NRIP1: variants seen among roughly 807,000 people sequenced by gnomAD.
NRIP1 encodes the protein nuclear receptor interacting protein 1.
A neutral mutation model predicts 75.0 loss-of-function variants in NRIP1; 28 were observed. That is an observed-to-expected ratio of 0.37 (90% confidence interval 0.28 to 0.51). The LOEUF (loss-of-function observed/expected upper bound fraction) is 0.51, where lower values mean the gene tolerates loss of function less well. Ranked by LOEUF, NRIP1 falls within the 20% of genes least tolerant of loss-of-function variation. NRIP1 has a pLI of 0.92. For missense variants in NRIP1, 1,435 were observed against 1,343.7 expected, an observed-to-expected ratio of 1.07 and a Z score of -1.06; for synonymous variants, 526 against 487.6, an observed-to-expected ratio of 1.08 and a Z score of -1.04.
chr21:15,064,034 A>T (rs971097175), intron 1 of NRIP1, among the ~76,000 whole-genome samples: 1 of 152,240 alleles, frequency 6.6e-6, no homozygotes, highest in African/African-American at 2.4e-5. Context: ...GAATACATCC[A>T]CGGAAACCTT....
At chr21:15,021,088 T>A (rs986642558) in intron 2 of NRIP1, among the ~76,000 whole-genome samples, 2 of 152,124 alleles carry the variant, frequency 1.3e-5, no homozygotes, top group Admixed American at 1.3e-4. Context: ...GAAAAATATA[T>A]GTCCACAAAA....
chr21:15,031,360 CCTTT>C, intron 2 of NRIP1, among the ~76,000 whole-genome samples: 1 of 141,418 alleles, frequency 7.1e-6, no homozygotes, highest in Non-Finnish European at 1.5e-5. Flanking sequence ...CACCACATTC[CCTTT>C]CTGTGTGTAT....
chr21:14,973,597 T>A (rs1459796147), intron 3 of NRIP1, among the ~76,000 whole-genome samples: 1 of 152,094 alleles, frequency 6.6e-6, no homozygotes, highest in East Asian at 1.9e-4. Context: ...TAACAAAAAA[T>A]TTAGTATAAC....
chr21:14,966,489 G>C lies in NRIP1; in HGVS notation c.1704C>G (p.Leu568=), dbSNP rs149931411. 2 of 1,614,128 alleles carry C rather than the reference G, an allele frequency of 1.2e-6. No homozygotes were observed. The highest frequency in any genetic ancestry group is 1.7e-6 in the Non-Finnish European group (2 of 1,180,002). The change falls in exon 4 of 4, where the codon CTC becomes CTG. Residue 568 remains leucine, a synonymous_variant. Coordinates refer to ENST00000318948, the MANE Select transcript of NRIP1 (RefSeq NM_003489.4). ...TSSKAGSPIN[L]SQHSLVIKWN... ...ATTTGATGACCAGAGAGTGTTGAGA[G>C]AGATTGATGGGAGACCCTGCTTTGC...
At chr21:15,012,398 T>C (rs1050465455) in intron 3 of NRIP1, among the ~76,000 whole-genome samples, 1 of 151,934 alleles carries the variant, frequency 6.6e-6, no homozygotes, top group Non-Finnish European at 1.5e-5. Context: ...CAGTAATTTG[T>C]TTTTATAAAT....
chr21:15,065,401 C>T (rs562869602), upstream of NRIP1, among the ~76,000 whole-genome samples: 151 of 152,222 alleles, frequency 9.9e-4, no homozygotes, highest in African/African-American at 3.6e-3. Flanking sequence ...GACAGCTCCT[C>T]CTGGGGACCG....
chr21:15,042,951 T>C (rs760926600), intron 2 of NRIP1, among the ~76,000 whole-genome samples: 21 of 152,226 alleles, frequency 1.4e-4, no homozygotes, highest in Non-Finnish European at 2.4e-4. Flanking sequence ...TATTATGCTA[T>C]ACCAATCTAT....
intron 2 of NRIP1, among the ~76,000 whole-genome samples, chr21:15,034,112 C>T (rs1346979520): frequency 6.6e-6 from 1 of 152,176 alleles, no homozygotes; most frequent in Admixed American, 6.5e-5. Context: ...GATAAACACC[C>T]TGAATTTCCC....
intron 3 of NRIP1, among the ~76,000 whole-genome samples, chr21:14,975,951 G>A (rs971633505): frequency 6.6e-6 from 1 of 152,064 alleles, no homozygotes; most frequent in Non-Finnish European, 1.5e-5. Context: ...AAGGTACTAT[G>A]TTTGAGTCTA....
intron 2 of NRIP1, among the ~76,000 whole-genome samples, chr21:15,036,990 C>T (rs2088849432): frequency 6.6e-6 from 1 of 152,022 alleles, no homozygotes; most frequent in Non-Finnish European, 1.5e-5. Flanking sequence ...TCTTGATGAA[C>T]AGCAAAGAAT....
chr21:14,991,893 C>T (rs746057650), intron 3 of NRIP1, among the ~76,000 whole-genome samples: 15 of 152,128 alleles, frequency 9.9e-5, no homozygotes, highest in Non-Finnish European at 1.9e-4. Flanking sequence ...AAAATGTTGT[C>T]TATTTACATC....
intron 1 of NRIP1, chr21:15,051,000 C>G (rs1262421176): frequency 1.4e-5 from 6 of 426,174 alleles, no homozygotes; most frequent in Non-Finnish European, 2.4e-5. Context: ...GTAGCATTTA[C>G]CTACAGCTAA....
chr21:15,003,598 C>T (rs963827000), intron 3 of NRIP1, among the ~76,000 whole-genome samples: 5 of 152,166 alleles, frequency 3.3e-5, no homozygotes, highest in Non-Finnish European at 5.9e-5. Flanking sequence ...GGCCCCTCCC[C>T]GCTGTCTCAG....
At chr21:14,972,817 A>G (rs1004782312) in intron 3 of NRIP1, among the ~76,000 whole-genome samples, 4 of 152,166 alleles carry the variant, frequency 2.6e-5, no homozygotes, top group African/African-American at 9.7e-5. Context: ...GATCCCTCAC[A>G]TGTGCAGTTT....
chr21:15,019,617 T>C lies in NRIP1; in HGVS notation c.-457-5151A>G, dbSNP rs192107753. Among the ~76,000 whole-genome samples the C allele has an allele frequency of 7.3e-5, 11 of 150,842 alleles. No individual in the cohort carries two copies. In the Admixed American group the frequency reaches 7.3e-4, roughly 10 times the overall value. On this transcript the variant is annotated intron_variant, in intron 2 of 3. Coordinates refer to ENST00000318948, the MANE Select transcript of NRIP1 (RefSeq NM_003489.4). ...AACTCTCCTGCCTCAGCCTCCCAAG[T>C]AGCTGGGATTACAGGCATGCACCAC... is the stretch of plus-strand genomic sequence containing the variant.
intron 3 of NRIP1, among the ~76,000 whole-genome samples, chr21:14,985,156 C>A (rs1184338001): frequency 6.6e-6 from 1 of 152,166 alleles, no homozygotes; most frequent in African/African-American, 2.4e-5. Context: ...TCTTTTTCAT[C>A]TTTACATCTT....
chr21:14,976,465 A>G (rs934758113), intron 3 of NRIP1, among the ~76,000 whole-genome samples: 1 of 152,184 alleles, frequency 6.6e-6, no homozygotes, highest in Non-Finnish European at 1.5e-5. Flanking sequence ...AAGTATCTGA[A>G]AAGTACAGAA....
rs78170671 is a variant in NRIP1 at position 14,984,866 on chromosome 21, G to A, written c.-334-16340C>T. On this transcript the variant is annotated intron_variant, in intron 3 of 3. Transcript: ENST00000318948. ...GATTATAGTTCTCTGAAGGTTCAGA[G>A]GATCATTAGTATTTTTTTAGCTATA... Among the ~76,000 whole-genome samples the A allele has an allele frequency of 0.017, 2,606 of 152,250 alleles. 242 individuals are homozygous for A. In the East Asian group the frequency reaches 0.28, roughly 16 times the overall value.
intron 1 of NRIP1, among the ~76,000 whole-genome samples, chr21:15,064,503 G>A (rs1187666375): frequency 1.3e-5 from 2 of 152,012 alleles, no homozygotes; most frequent in Non-Finnish European, 1.5e-5. Context: ...GCACGGACGG[G>A]CGGGCCGACC....
Sources: allele counts gnomAD v4.1 joint callset (sites outside exome capture counted in the v4.1 genomes callset), GRCh38; gene constraint gnomAD v4.1.1; transcripts MANE v1.5; gene names NCBI Gene and HGNC (gene_info 2026-07-23, HGNC 2026-07-21).